MAML3: variants seen among roughly 807,000 people sequenced by gnomAD.
MAML3 encodes mastermind like transcriptional coactivator 3.
A neutral mutation model predicts 101.9 loss-of-function variants in MAML3; 27 were observed. That is an observed-to-expected ratio of 0.27 (90% CI 0.20 to 0.37). The LOEUF (loss-of-function observed/expected upper bound fraction) is 0.37. Among genes scored for constraint, MAML3 ranks in the 10% least tolerant of loss-of-function variants. MAML3 has a pLI of 1.00. For synonymous variants in MAML3, 501 were observed against 555.9 expected, an observed-to-expected ratio of 0.90 and a Z score of 1.39; for missense variants, 1,316 against 1,444.9, an observed-to-expected ratio of 0.91 and a Z score of 1.45.
intron 1 of MAML3, among the ~76,000 whole-genome samples, chr4:140,096,129 C>G (rs1226600870): frequency 6.6e-6 from 1 of 152,164 alleles, no homozygotes; most frequent in East Asian, 1.9e-4. Context: ...TCTGGTGCTA[C>G]CTATTTAAAG....
At chr4:139,861,706 G>A (rs1359644309) in intron 2 of MAML3, among the ~76,000 whole-genome samples, 2 of 152,138 alleles carry the variant, frequency 1.3e-5, no homozygotes, top group African/African-American at 4.8e-5. Context: ...TTGCACAGCT[G>A]CTTCTCCCAC....
chr4:139,819,020 C>A (rs1385288917), intron 2 of MAML3, among the ~76,000 whole-genome samples: 1 of 151,884 alleles, frequency 6.6e-6, no homozygotes, highest in Non-Finnish European at 1.5e-5. Context: ...CAGAGGCGCA[C>A]GCAAATGAAT....
Position 139,969,940 on chromosome 4 carries a change from A to C in MAML3, c.469-78973T>G, listed in dbSNP as rs189458255. ...TTCCTAAAATTTTGATAGAAATATAAATAAATCAAGTTTTCAGACCTTGAT... is the reference window on the plus strand; with the variant it reads ...TTCCTAAAATTTTGATAGAAATATACATAAATCAAGTTTTCAGACCTTGAT... On this transcript the variant is annotated intron_variant, in intron 1 of 4. Coordinates refer to ENST00000509479, the MANE Select transcript of MAML3 (RefSeq NM_018717.5). 2.6e-5 allele frequency among the ~76,000 whole-genome samples: 4 copies of C among 152,352 alleles called. No individual in the cohort carries two copies. The East Asian group carries it at 7.7e-4, about 29-fold the overall frequency.
chr4:139,899,454 C>T (rs1732675109), intron 1 of MAML3, among the ~76,000 whole-genome samples: 1 of 152,192 alleles, frequency 6.6e-6, no homozygotes, highest in South Asian at 2.1e-4. Context: ...ATTTCCCCCT[C>T]CACATTATAT....
chr4:139,775,979 G>C (rs879482274), intron 2 of MAML3, among the ~76,000 whole-genome samples: 1 of 152,148 alleles, frequency 6.6e-6, no homozygotes, highest in Non-Finnish European at 1.5e-5. Flanking sequence ...ATAATAATAA[G>C]ATAAGCTCTG....
At position 140,010,558 on chromosome 4, in the gene MAML3, T is replaced by C. The variant is rs147455971; in HGVS notation, c.469-119591A>G. ...AAGAAATACTATTTAAGTGCATTGC[T>C]AACTAGAAATAAGTCAATAAGTGTT... On this transcript the variant is annotated intron_variant, in intron 1 of 4. Transcript: ENST00000509479. Among the ~76,000 whole-genome samples, 527 of 152,356 alleles carry C rather than the reference T, an allele frequency of 3.5e-3. 4 individuals are homozygous for C. The highest frequency in any genetic ancestry group is 5.9e-3 in the Non-Finnish European group (403 of 68,034).
At chr4:139,839,426 T>C (rs1305333189) in intron 2 of MAML3, among the ~76,000 whole-genome samples, 1 of 151,606 alleles carries the variant, frequency 6.6e-6, no homozygotes, top group Non-Finnish European at 1.5e-5. Context: ...CATCGTGAAC[T>C]AGCTCATCTT....
intron 1 of MAML3, among the ~76,000 whole-genome samples, chr4:139,977,839 C>T (rs950810110): frequency 6.6e-6 from 1 of 151,806 alleles, no homozygotes; most frequent in East Asian, 1.9e-4. Context: ...TGCCACTGCA[C>T]TCCAGCCAGG....
At chr4:139,868,533 T>C (rs914308879) in intron 2 of MAML3, among the ~76,000 whole-genome samples, 1 of 152,122 alleles carries the variant, frequency 6.6e-6, no homozygotes, top group Non-Finnish European at 1.5e-5. Context: ...AACTCAAAGG[T>C]CTCTGAGTTC....
chr4:140,060,385 A>AAAAAAAAAAAAAAT (rs1727426410), intron 1 of MAML3, among the ~76,000 whole-genome samples: 1 of 146,910 alleles, frequency 6.8e-6, no homozygotes, highest in Non-Finnish European at 1.5e-5. Flanking sequence ...AAAAAAAAAA[A>AAAAAAAAAAAAAAT]GTCACAAGCC....
intron 1 of MAML3, among the ~76,000 whole-genome samples, chr4:139,925,111 C>T (rs958657045): frequency 1.6e-4 from 24 of 152,090 alleles, no homozygotes; most frequent in African/African-American, 5.8e-4. Flanking sequence ...AAATTTTGGA[C>T]CCCTAAGCAA....
chr4:139,929,954 G>A (rs1009954909), intron 1 of MAML3, among the ~76,000 whole-genome samples: 1 of 152,148 alleles, frequency 6.6e-6, no homozygotes, highest in Admixed American at 6.5e-5. Context: ...TTGCCCCAGA[G>A]GGGAATGGGT....
In MAML3 at chr4:139,720,109, G is replaced by A. The variant is rs1394077547; in HGVS notation, c.2631C>T (p.Gly877=). ...TTGGATGCTGCAACATTTGGGTCAT[G>A]CCTGTGCTCATATTGTACATTCCTG... The part of the protein sequence containing the change: ...SQPGMYNMST[G]MTQMLQHPNQ... Residue 877 remains glycine, a synonymous_variant, in exon 5 of 5, where the codon GGC becomes GGT. Transcript: ENST00000509479. 1 of 1,613,960 alleles carries A rather than the reference G, an allele frequency of 6.2e-7. No homozygotes were observed. The highest frequency in any genetic ancestry group is 1.3e-5 in the African/African-American group (1 of 74,952).
chr4:140,021,420 C>T (rs1726731461), intron 1 of MAML3, among the ~76,000 whole-genome samples: 2 of 152,192 alleles, frequency 1.3e-5, no homozygotes, highest in African/African-American at 4.8e-5. Flanking sequence ...TGAGGGCCTA[C>T]CTAATGTGTG....
intron 1 of MAML3, among the ~76,000 whole-genome samples, chr4:140,037,770 T>TGTTA (rs1727010117): frequency 6.6e-6 from 1 of 152,260 alleles, no homozygotes; most frequent in Non-Finnish European, 1.5e-5. Context: ...TTTCAACGCA[T>TGTTA]GTTAAACTGT....
intron 1 of MAML3, among the ~76,000 whole-genome samples, chr4:139,946,647 C>T (rs954989604): frequency 1.3e-5 from 2 of 151,874 alleles, no homozygotes; most frequent in Admixed American, 6.6e-5. Flanking sequence ...ATTGCTTAAA[C>T]AAAAATCAAA....
chr4:139,878,117 C>T (rs991974409), intron 2 of MAML3, among the ~76,000 whole-genome samples: 10 of 152,156 alleles, frequency 6.6e-5, no homozygotes, highest in African/African-American at 1.4e-4. Context: ...TATTCCGCAC[C>T]GGAACCCTTC....
chr4:140,149,771 C>T (rs1729124593), intron 1 of MAML3, among the ~76,000 whole-genome samples: 1 of 152,166 alleles, frequency 6.6e-6, no homozygotes, highest in Non-Finnish European at 1.5e-5. Flanking sequence ...TGGAGTACAA[C>T]TATAATCCTG....
At chr4:140,152,219 G>C (rs1729185375) in intron 1 of MAML3, among the ~76,000 whole-genome samples, 2 of 152,176 alleles carry the variant, frequency 1.3e-5, no homozygotes, top group Admixed American at 1.3e-4. Flanking sequence ...ACCCCCGCGC[G>C]CAGCCACCCT....
Sources: gnomAD v4.1 joint callset for allele counts (sites outside exome capture counted in the v4.1 genomes callset) on GRCh38, gnomAD v4.1.1 for gene constraint, MANE v1.5 for transcripts, NCBI Gene and HGNC (gene_info 2026-07-23, HGNC 2026-07-21) for gene names.